ZNF728: variants seen among roughly 807,000 people sequenced by gnomAD.
The protein encoded by ZNF728 is zinc finger protein 728.
Under a neutral mutation model 12.5 loss-of-function variants are expected in ZNF728, and 12 were observed. That is an observed-to-expected ratio of 0.96 (90% confidence interval 0.61 to 1.55). The LOEUF is 1.55. Ranked by LOEUF, ZNF728 falls within the 40% of genes most tolerant of loss-of-function variation. The probability of loss-of-function intolerance (pLI) is 0.00; values close to 1 mark genes in which losing one functional copy is unlikely to be tolerated. For synonymous variants in ZNF728, 205 were observed against 240.7 expected (o/e 0.85, Z 1.37); for missense variants, 692 against 719.2 (o/e 0.96, Z 0.43).
rs1163612674 is a variant in ZNF728, at chr19:22,976,489, G to A, written c.848C>T (p.Pro283Leu). ...EHKRSHAGEK[P>L]YKCEECGKAF... ...TTTGCCACATTCTTCACATTTGTAG[G>A]GTTTCTCTCCAGCATGACTTCTCTT... is the stretch of plus-strand genomic sequence containing the variant. Residue 283 changes from proline (P) to leucine (L), a missense_variant, in exon 4 of 4, where the codon CCC becomes CTC. This residue lies in a region of ZNF728 where 440 missense variants were observed against 459.6 expected (regional missense o/e 0.96). Transcript: ENST00000594710. 6.2e-7 allele frequency: 1 copy of A among 1,612,678 alleles called. No individual in the cohort carries two copies. The highest frequency in any genetic ancestry group is 1.7e-5 in the Admixed American group (1 of 59,908).
At chr19:22,982,584 A>G (rs1297714281) in intron 3 of ZNF728, among the ~76,000 whole-genome samples, 1 of 152,248 alleles carries the variant, frequency 6.6e-6, no homozygotes, top group East Asian at 1.9e-4. Context: ...TGGAGGCATC[A>G]TGCTACCTGA....
intron 1 of ZNF728, among the ~76,000 whole-genome samples, chr19:22,994,280 C>T (rs1191866432): frequency 1.3e-5 from 2 of 152,164 alleles, no homozygotes; most frequent in Non-Finnish European, 2.9e-5. Context: ...CACTTCACAG[C>T]ACAATTGTGA....
chr19:23,001,919 T>C (rs1969117601), intron 1 of ZNF728, among the ~76,000 whole-genome samples: 1 of 152,014 alleles, frequency 6.6e-6, no homozygotes, highest in Admixed American at 6.6e-5. Context: ...TTGGGACACA[T>C]GTGAAAAATG....
intron 1 of ZNF728, among the ~76,000 whole-genome samples, chr19:22,990,368 G>C (rs780806247): frequency 9.9e-5 from 15 of 152,104 alleles, no homozygotes; most frequent in Admixed American, 2.0e-4. Flanking sequence ...GCCTTTAAAA[G>C]AGTCAGCACC....
chr19:23,000,790 C>G (rs560384876), intron 1 of ZNF728, among the ~76,000 whole-genome samples: 1 of 147,728 alleles, frequency 6.8e-6, no homozygotes, highest in South Asian at 2.2e-4. Context: ...ATCACTTGAA[C>G]TCGTGATGCA....
intron 1 of ZNF728, among the ~76,000 whole-genome samples, chr19:23,001,427 T>C (rs896186155): frequency 6.6e-6 from 1 of 152,226 alleles, no homozygotes; most frequent in Non-Finnish European, 1.5e-5. Flanking sequence ...GGTTGTCTTA[T>C]GGGAGATCAG....
chr19:22,980,198 G>GAAAAAAAAAAAAAAAAAAAAAAAAA (rs1568274736), intron 3 of ZNF728, among the ~76,000 whole-genome samples: 1 of 94,356 alleles, frequency 1.1e-5, no homozygotes, highest in Non-Finnish European at 2.1e-5. Flanking sequence ...AAAAAAAAAA[G>GAAAAAAAAAAAAAAAAAAAAAAAAA]AAACAAAAAA....
In ZNF728 at chr19:22,983,805, C is replaced by T. The variant is rs574823978; in HGVS notation, c.226+3503G>A. Among the ~76,000 whole-genome samples, 101 of 152,058 alleles carry T rather than the reference C, an allele frequency of 6.6e-4. 3 individuals are homozygous for T. The South Asian group carries it at 0.016, about 24-fold the overall frequency. On this transcript the variant is annotated intron_variant, in intron 3 of 3. Transcript: ENST00000594710. ...TCACTCATAAGTGGGAGTTGAACAA[C>T]GACAACACAGGGACACAGGAAGGGG...
chr19:22,977,212 T>G, intron 3 of ZNF728, 102 bp from the exon 4 acceptor site: 1 of 1,140,184 alleles, frequency 8.8e-7, no homozygotes, highest in Admixed American at 3.0e-5. Context: ...AAGATGACAC[T>G]GCAGTATGAC....
Position 23,003,064 on chromosome 19 carries a change from G to A in ZNF728, c.-34C>T, listed in dbSNP as rs771299298. On this transcript the variant is annotated 5_prime_UTR_variant, in exon 1 of 4. Coordinates refer to ENST00000594710, the MANE Select transcript of ZNF728 (RefSeq NM_001267716.2). ...TTCCGGGGGTCCTGGCGACTTAGTT[G>A]TGAATCTCCCAATACCTGCAGGTCA... is the stretch of plus-strand genomic sequence containing the variant. The A allele has an allele frequency of 6.3e-7, 1 of 1,574,938 alleles. No homozygotes were observed.
chr19:22,979,544 AC>A (rs1968839982), intron 3 of ZNF728, among the ~76,000 whole-genome samples: 1 of 152,134 alleles, frequency 6.6e-6, no homozygotes, highest in African/African-American at 2.4e-5. Context: ...GAGAAGAGCA[AC>A]CCCAAGACAC....
At chr19:22,990,386 T>C (rs943849697) in intron 1 of ZNF728, among the ~76,000 whole-genome samples, 6 of 152,198 alleles carry the variant, frequency 3.9e-5, no homozygotes, top group African/African-American at 1.4e-4. Flanking sequence ...ACCACAGGTC[T>C]ACCTGCTGTC....
At chr19:22,989,728 G>A (rs927555489) in intron 1 of ZNF728, among the ~76,000 whole-genome samples, 1 of 152,172 alleles carries the variant, frequency 6.6e-6, no homozygotes, top group Non-Finnish European at 1.5e-5. Flanking sequence ...CCCATGTTCT[G>A]TAATTTTTAA....
intron 1 of ZNF728, among the ~76,000 whole-genome samples, chr19:22,996,568 G>C (rs1367159240): frequency 1.3e-5 from 2 of 152,058 alleles, no homozygotes; most frequent in Non-Finnish European, 2.9e-5. Flanking sequence ...TTGAAATGAA[G>C]TTTACTCTGA....
At chr19:22,980,769 T>A (rs970346921) in intron 3 of ZNF728, among the ~76,000 whole-genome samples, 24 of 152,128 alleles carry the variant, frequency 1.6e-4, no homozygotes, top group Non-Finnish European at 4.4e-5. Context: ...TGCTCCTGAA[T>A]GACTACAGGG....
Position 22,975,486 on chromosome 19 carries a change from T to C in ZNF728, c.1851A>G (p.Gly617=), listed in dbSNP as rs1389296671. The change falls in exon 4 of 4, where the codon GGA becomes GGG. Residue 617 remains glycine (G), a synonymous_variant. Transcript: ENST00000594710. ...ACATTTTTCACATTTGTAGGGTTTT[T>C]CCTCCAGTATGAATTCTCTTATGAG... ...LTTHKRIHTG[G]KTLQM 3.9e-6 allele frequency: 6 copies of C among 1,547,512 alleles called. No homozygotes were observed. In the African/African-American group the frequency reaches 4.1e-5, roughly 11 times the overall value.
rs191728353 is a variant in ZNF728 at position 22,975,838 on chromosome 19, C to A, written c.1499G>T (p.Arg500Ile). Residue 500 changes from arginine (R) to isoleucine (I), a missense_variant, in exon 4 of 4, where the codon AGA (arginine) becomes ATA (isoleucine). By Grantham distance (97) the Arg-to-Ile change is moderately conservative. Transcript: ENST00000594710. Reference sequence around the variant, plus strand: ...GTAGGGTTTCTCTCCAGTATGAATTCTCTTATGTTCCATAAGGTTTGAGGA... The same window carrying A: ...GTAGGGTTTCTCTCCAGTATGAATTATCTTATGTTCCATAAGGTTTGAGGA... ...KWSSNLMEHK[R>I]IHTGEKPYKC... 6,904 of 1,606,720 alleles carry A rather than the reference C, an allele frequency of 4.3e-3. 14 individuals carry two copies. The highest frequency in any genetic ancestry group is 5.1e-3 in the Non-Finnish European group (6,053 of 1,177,796).
Position 22,976,011 on chromosome 19 carries a change from A to C in ZNF728, c.1326T>G (p.His442Gln), listed in dbSNP as rs1968792808. Residue 442 changes from histidine (H) to glutamine (Q), a missense_variant, in exon 4 of 4, where the codon CAT becomes CAG. Around this residue, in one of 3 missense-constraint regions of ZNF728, gnomAD observed 244 missense variants for 235.2 expected, o/e 1.04. Coordinates refer to ENST00000594710, the MANE Select transcript of ZNF728 (RefSeq NM_001267716.2). ...GTTTCTCTCCAGTATGAATTACTTT[A>C]TGTTTAGTAAGGCTCGAAAATGTAG... ...AFTTFSSLTK[H>Q]KVIHTGEKHY... The C allele has an allele frequency of 6.3e-7, 1 of 1,590,048 alleles. No homozygotes were observed. The highest frequency in any genetic ancestry group is 1.3e-5 in the African/African-American group (1 of 74,264).
Position 22,975,078 on chromosome 19 carries a change from G to A in ZNF728, c.*390C>T, listed in dbSNP as rs537720246. 6.6e-6 allele frequency among the ~76,000 whole-genome samples: 1 copy of A among 152,286 alleles called. No individual in the cohort carries two copies. The highest frequency in any genetic ancestry group is 2.4e-5 in the African/African-American group (1 of 41,566). On this transcript the variant is annotated 3_prime_UTR_variant, in exon 4 of 4. Transcript: ENST00000594710. Reference sequence around the variant, plus strand: ...CATTTCTAGGATTTCTCACCAGTATGATTTCTTTTATATTCAGAAAAGTTT... The same window carrying A: ...CATTTCTAGGATTTCTCACCAGTATAATTTCTTTTATATTCAGAAAAGTTT...
Sources: gnomAD v4.1 joint callset for allele counts (sites outside exome capture counted in the v4.1 genomes callset) on GRCh38, gnomAD v4.1.1 for gene constraint, gnomAD v4.1.1 regional missense constraint, MANE v1.5 for transcripts, NCBI Gene and HGNC (gene_info 2026-07-23, HGNC 2026-07-21) for gene names.